KCNB2: variants seen among roughly 807,000 people sequenced by gnomAD.
KCNB2 encodes potassium voltage-gated channel subfamily B member 2, also known as delayed rectifier potassium channel protein.
KCNB2 carries 15 observed loss-of-function variants against 61.5 expected under a neutral mutation model. The ratio of observed to expected loss-of-function variants is 0.24; its 90% CI spans 0.16 to 0.38. KCNB2 has a LOEUF of 0.38. Among genes scored for constraint, KCNB2 ranks in the 10% least tolerant of loss-of-function variants. KCNB2 has a pLI of 1.00. For synonymous variants in KCNB2, 457 were observed against 446.0 expected, an observed-to-expected ratio of 1.02 and a Z score of -0.31; for missense variants, 828 against 1,125.2, an observed-to-expected ratio of 0.74 and a Z score of 3.78.
chr8:72,636,624 C>G (rs1805970724), intron 2 of KCNB2, among the ~76,000 whole-genome samples: 1 of 152,112 alleles, frequency 6.6e-6, no homozygotes, highest in African/African-American at 2.4e-5. Context: ...GGTTAAGTAA[C>G]TTACCCAAGG....
chr8:72,780,798 A>G (rs1808740560), intron 2 of KCNB2, among the ~76,000 whole-genome samples: 1 of 152,172 alleles, frequency 6.6e-6, no homozygotes, highest in African/African-American at 2.4e-5. Context: ...GAATCTCCAC[A>G]CTGTCTTCCA....
chr8:72,883,509 A>C (rs1285756764), intron 2 of KCNB2, among the ~76,000 whole-genome samples: 1 of 152,198 alleles, frequency 6.6e-6, no homozygotes, highest in Non-Finnish European at 1.5e-5. Flanking sequence ...GTTATTCCAG[A>C]TCTATAGAAG....
intron 2 of KCNB2, among the ~76,000 whole-genome samples, chr8:72,794,243 T>C (rs191839382): frequency 1.3e-3 from 200 of 152,104 alleles, no homozygotes; most frequent in African/African-American, 4.4e-3. Context: ...ATTTACTGGA[T>C]TGGAGATGGG....
chr8:72,882,739 A>AAAG (rs1805738514), intron 2 of KCNB2, among the ~76,000 whole-genome samples: 1 of 151,486 alleles, frequency 6.6e-6, no homozygotes, highest in African/African-American at 2.4e-5. Flanking sequence ...AGAAAAAGAA[A>AAAG]AAAAAAATCC....
intron 2 of KCNB2, among the ~76,000 whole-genome samples, chr8:72,630,329 C>T (rs1169722126): frequency 2.0e-5 from 3 of 152,088 alleles, no homozygotes; most frequent in Non-Finnish European, 4.4e-5. Flanking sequence ...ATTACTGATA[C>T]AGATGGATAG....
At chr8:72,884,060 T>A (rs1805762573) in intron 2 of KCNB2, among the ~76,000 whole-genome samples, 1 of 152,210 alleles carries the variant, frequency 6.6e-6, no homozygotes, top group African/African-American at 2.4e-5. Flanking sequence ...AAGCTTTCAT[T>A]CCTCTTTCTC....
At chr8:72,811,779 C>G (rs531279416) in intron 2 of KCNB2, among the ~76,000 whole-genome samples, 1 of 152,144 alleles carries the variant, frequency 6.6e-6, no homozygotes, top group Non-Finnish European at 1.5e-5. Context: ...ACAAAGGGAA[C>G]AGGAATTAAT....
chr8:72,544,465 A>G (rs747042483), intron 1 of KCNB2, among the ~76,000 whole-genome samples: 4 of 152,234 alleles, frequency 2.6e-5, no homozygotes, highest in Non-Finnish European at 5.9e-5. Flanking sequence ...CTTTAACAGG[A>G]GAAAAGATTG....
At chr8:72,702,073 A>C (rs1471304098) in intron 2 of KCNB2, among the ~76,000 whole-genome samples, 1 of 152,204 alleles carries the variant, frequency 6.6e-6, no homozygotes, top group East Asian at 1.9e-4. Flanking sequence ...ACTTAGCAGA[A>C]CACAGAACAT....
intron 2 of KCNB2, among the ~76,000 whole-genome samples, chr8:72,893,786 T>C (rs765377546): frequency 8.5e-5 from 13 of 152,344 alleles, no homozygotes; most frequent in Non-Finnish European, 1.6e-4. Context: ...TTGAATTGAT[T>C]TGCTACATAG....
intron 2 of KCNB2, among the ~76,000 whole-genome samples, chr8:72,722,256 C>G (rs1180257456): frequency 6.6e-6 from 1 of 152,204 alleles, no homozygotes; most frequent in African/African-American, 2.4e-5. Context: ...AGTCTGTTCT[C>G]CACCCTGCAG....
intron 2 of KCNB2, among the ~76,000 whole-genome samples, chr8:72,872,926 A>G (rs1425269185): frequency 1.3e-5 from 2 of 152,132 alleles, no homozygotes; most frequent in Non-Finnish European, 2.9e-5. Context: ...CCAAATAAAG[A>G]CTGTGTCGGA....
chr8:72,860,104 G>A (rs960269521), intron 2 of KCNB2, among the ~76,000 whole-genome samples: 1 of 152,136 alleles, frequency 6.6e-6, no homozygotes, highest in African/African-American at 2.4e-5. Context: ...GGGCATTTAT[G>A]TTGATTCCAT....
rs553249560 is a variant in KCNB2, at chr8:72,855,872, C to T, written c.580-80063C>T. 1.1e-3 allele frequency among the ~76,000 whole-genome samples: 167 copies of T among 152,136 alleles called. 2 individuals carry two copies. Among genetic ancestry groups the T allele is most frequent in the Non-Finnish European group, 4.7e-4 (32 of 68,022 alleles). On this transcript the variant is annotated intron_variant, in intron 2 of 2. Transcript: ENST00000523207. ...GTGGATGTTCAAGTCCTTTATATAA[C>T]GTGGTATAGTATTTGCATATAACCT...
At chr8:72,584,775 C>T (rs923410175) in intron 2 of KCNB2, among the ~76,000 whole-genome samples, 7 of 152,026 alleles carry the variant, frequency 4.6e-5, no homozygotes, top group African/African-American at 1.7e-4. Context: ...CATGGAAAAC[C>T]CTTTGGTATT....
At chr8:72,723,042 A>G (rs1807577099) in intron 2 of KCNB2, among the ~76,000 whole-genome samples, 1 of 152,234 alleles carries the variant, frequency 6.6e-6, no homozygotes, top group South Asian at 2.1e-4. Flanking sequence ...TGAGGTTATA[A>G]ACAGTGCATA....
chr8:72,588,971 G>A (rs574972895), intron 2 of KCNB2, among the ~76,000 whole-genome samples: 1 of 152,232 alleles, frequency 6.6e-6, no homozygotes, highest in South Asian at 2.1e-4. Context: ...GGCTTAGCTA[G>A]GGATTGAACT....
intron 2 of KCNB2, among the ~76,000 whole-genome samples, chr8:72,795,946 T>C (rs550021905): frequency 3.3e-5 from 5 of 152,288 alleles, no homozygotes; most frequent in Admixed American, 1.3e-4. Flanking sequence ...TAAAGTCTTT[T>C]TCCAAATGAC....
intron 2 of KCNB2, among the ~76,000 whole-genome samples, chr8:72,643,220 A>G (rs1806081960): frequency 6.6e-6 from 1 of 152,164 alleles, no homozygotes; most frequent in African/African-American, 2.4e-5. Flanking sequence ...GATGGAAAGA[A>G]GGGTGGAAAG....
Sources: gnomAD v4.1 joint callset for allele counts (sites outside exome capture counted in the v4.1 genomes callset) on GRCh38, gnomAD v4.1.1 for gene constraint, MANE v1.5 for transcripts, NCBI Gene and HGNC (gene_info 2026-07-23, HGNC 2026-07-21) for gene names.